NOTCH4: variants seen among roughly 807,000 people sequenced by gnomAD.
NOTCH4 encodes notch receptor 4.
NOTCH4 carries 138 observed loss-of-function variants against 189.0 expected under a neutral mutation model. The observed-to-expected ratio is 0.73, with a 90% CI of 0.64 to 0.84. The LOEUF (loss-of-function observed/expected upper bound fraction) is 0.84. Among genes scored for constraint, NOTCH4 ranks in the 40% least tolerant of loss-of-function variants. NOTCH4 has a pLI of 0.00. For missense variants in NOTCH4, 2,286 were observed against 2,605.4 expected, an observed-to-expected ratio of 0.88 and a Z score of 2.67; for synonymous variants, 942 against 1,032.8, an observed-to-expected ratio of 0.91 and a Z score of 1.69.
Position 32,219,585 on chromosome 6 carries a change from C to G in NOTCH4, c.1510+7G>C. 1 of 1,611,736 alleles carries G rather than the reference C, an allele frequency of 6.2e-7. No individual in the cohort carries two copies. The highest frequency in any genetic ancestry group is 8.5e-7 in the Non-Finnish European group (1 of 1,179,356). ...TTTCCCCACCCAAGGCCCCATCCAG[C>G]TGATACCTGGCGGGCAGAGGCAGTG... On this transcript the variant is annotated splice_region_variant and intron_variant, in intron 8 of 29. Coordinates refer to ENST00000375023, the MANE Select transcript of NOTCH4 (RefSeq NM_004557.4).
rs2127487985 is a variant in NOTCH4 at position 32,220,645 on chromosome 6, C to A, written c.923-4G>T. ...ACATCTTCGGAGCAGTCCCAGCCTG[C>A]AGGGGGTTGGGGAGGGGACGAGGGC... On this transcript the variant is annotated splice_region_variant and splice_polypyrimidine_tract_variant and intron_variant, in intron 5 of 29. Transcript: ENST00000375023. 6.2e-7 allele frequency: 1 copy of A among 1,613,434 alleles called. No individual in the cohort carries two copies. The highest frequency in any genetic ancestry group is 8.5e-7 in the Non-Finnish European group (1 of 1,179,494).
rs1449266204 is a variant in NOTCH4 at position 32,218,025 on chromosome 6, G to A, written c.1594C>T (p.Leu532Phe). The change falls in exon 9 of 30, where the codon CTC (leucine) becomes TTC (phenylalanine). Residue 532 changes from leucine to phenylalanine, a missense_variant. Physicochemically the swap from Leu to Phe is conservative, Grantham distance 22. Transcript: ENST00000375023. ...AGGCAGATGCACTGGAAGCCGTTGA[G>A]CAGGTCATGGCAATCCGCGTGGTTC... ...CLNHADCHDL[L>F]NGFQCICLPG... 1.9e-6 allele frequency: 3 copies of A among 1,613,656 alleles called. No individual in the cohort carries two copies. In the African/African-American group the frequency reaches 4.0e-5, roughly 22 times the overall value.
chr6:32,213,812 A>AGCT lies in NOTCH4; in HGVS notation c.2193_2195dup (p.Ala732dup). 3.1e-6 allele frequency: 5 copies of AGCT among 1,611,854 alleles called. No individual in the cohort carries two copies. Among genetic ancestry groups the AGCT allele is most frequent in the Non-Finnish European group, 4.2e-6 (5 of 1,179,820 alleles). ...CATTGAGACATGGCCCTGAGTGACA[A>AGCT]GCTGTCATCTCCTCACTACAGGTGG... is the stretch of plus-strand genomic sequence containing the variant. On this transcript the variant is annotated inframe_insertion, in exon 14 of 30. Transcript: ENST00000375023.
intron 19 of NOTCH4, 69 bp downstream of exon 19, chr6:32,204,068 T>A: frequency 1.3e-6 from 2 of 1,582,094 alleles, no homozygotes; most frequent in Non-Finnish European, 1.7e-6. Context: ...GGGTGGAGAC[T>A]ATCTGGCTCT....
chr6:32,210,898 A>C lies in NOTCH4; in HGVS notation c.2719T>G (p.Cys907Gly), dbSNP rs575646160. The change falls in exon 18 of 30, where the codon TGT becomes GGT. Residue 907 changes from cysteine to glycine, a missense_variant. Coordinates refer to ENST00000375023, the MANE Select transcript of NOTCH4 (RefSeq NM_004557.4). This position sits in a 1 kb window ranked among gnomAD's most constrained non-coding sequence, Gnocchi z 4.8. ...VSSLCHNGGL[C>G]VDSGPSYFCH... ...AAATAGGAGGGGCCGCTGTCGACAC[A>C]GAGGCCTCCATTGTGGCAAAGGGAA... is the stretch of plus-strand genomic sequence containing the variant. 1 of 1,609,802 alleles carries C rather than the reference A, an allele frequency of 6.2e-7. No individual in the cohort carries two copies. Among genetic ancestry groups the C allele is most frequent in the East Asian group, 2.2e-5 (1 of 44,818 alleles).
rs1471032428 is a variant in NOTCH4 at position 32,222,767 on chromosome 6, A to T, written c.195T>A (p.Pro65=). The T allele has an allele frequency of 6.2e-7, 1 of 1,611,782 alleles. No individual in the cohort carries two copies. The highest frequency in any genetic ancestry group is 8.5e-7 in the Non-Finnish European group (1 of 1,179,212). Residue 65 remains proline, a synonymous_variant, in exon 3 of 30, where the codon CCT becomes CCA. Transcript: ENST00000375023. ...PGFLGETCQF[P]DPCQNAQLCQ... Reference sequence around the variant, plus strand: ...AGAGCTGGGCGTTCTGGCAGGGGTCAGGAAACTGGCACGTCTCACCCAGGA... The same window carrying T: ...AGAGCTGGGCGTTCTGGCAGGGGTCTGGAAACTGGCACGTCTCACCCAGGA...
At position 32,210,743 on chromosome 6, in the gene NOTCH4, C is replaced by A. The variant is rs8192567; in HGVS notation, c.2865+9G>T. 5.2e-3 allele frequency: 8,349 copies of A among 1,611,868 alleles called. 95 individuals carry two copies. Among genetic ancestry groups the A allele is most frequent in the Admixed American group, 0.019 (1,130 of 60,018 alleles). On this transcript the variant is annotated intron_variant, in intron 18 of 29. Coordinates refer to ENST00000375023, the MANE Select transcript of NOTCH4 (RefSeq NM_004557.4). This position sits in a 1 kb window ranked among gnomAD's most constrained non-coding sequence, Gnocchi z 4.8. ...TCTTTCCTCCCCCTTCTCCTGCAGA[C>A]CCTCTCACCTGGCAGAGATACCCAC...
intron 27 of NOTCH4, 60 bp from the exon 28 acceptor site, chr6:32,197,132 T>TA: frequency 1.9e-6 from 3 of 1,589,782 alleles, no homozygotes; most frequent in Non-Finnish European, 2.6e-6. Flanking sequence ...TCGAGTTCCT[T>TA]ACACTATTAA....
chr6:32,213,777 C>T lies in NOTCH4; in HGVS notation c.2231G>A (p.Cys744Tyr), dbSNP rs1453089873. 1 of 1,612,096 alleles carries T rather than the reference C, an allele frequency of 6.2e-7. No individual in the cohort carries two copies. The highest frequency in any genetic ancestry group is 8.5e-7 in the Non-Finnish European group (1 of 1,179,950). Residue 744 changes from cysteine to tyrosine, a missense_variant, in exon 14 of 30, where the codon TGC becomes TAC. Cys to Tyr is a radical substitution (Grantham distance 194). Around this residue, in one of 2 missense-constraint regions of NOTCH4, gnomAD observed 1,903 missense variants for 2,261.9 expected, o/e 0.84. Transcript: ENST00000375023. ...HSGPCLNGGS[C>Y]NPSPGGYYCT... The stretch of plus-strand genomic sequence containing the variant: ...GTAGTAGCCTCCAGGGCTAGGGTTG[C>T]AGGAGCCGCCATTGAGACATGGCCC...
In NOTCH4 at chr6:32,196,022, T is replaced by A. The variant is rs8192579; in HGVS notation, c.5427A>T (p.Gln1809His). 2.1e-5 allele frequency: 33 copies of A among 1,598,356 alleles called. No individual in the cohort carries two copies. In the Admixed American group the frequency reaches 5.4e-4, roughly 26 times the overall value. The change falls in exon 30 of 30, where the codon CAA becomes CAT. Residue 1809 changes from glutamine to histidine, a missense_variant. By Grantham distance (24) the Gln-to-His change is conservative. Around this residue, in one of 2 missense-constraint regions of NOTCH4, gnomAD observed 383 missense variants for 343.5 expected, o/e 1.11. Transcript: ENST00000375023. ...GCGTCAGCAGATCCCAGTGGTTACG[T>A]TGGTGAGCGACGTCCGCCGGCGCTA... ...AGLAPADVAH[Q>H]RNHWDLLTLL...
rs762645144 is a variant in NOTCH4 at position 32,202,063 on chromosome 6, A to G, written c.3755+13T>C. 1.1e-5 allele frequency: 15 copies of G among 1,417,484 alleles called. No individual in the cohort carries two copies. Among genetic ancestry groups the G allele is most frequent in the Non-Finnish European group, 1.3e-5 (14 of 1,075,964 alleles). 87.8% of individuals were successfully genotyped at this position (1,417,484 alleles called of 1,614,324 possible). A position where few individuals can be genotyped will look rare whatever the true frequency, so the allele number is the denominator to read the frequency against. On this transcript the variant is annotated intron_variant, in intron 21 of 29. Coordinates refer to ENST00000375023, the MANE Select transcript of NOTCH4 (RefSeq NM_004557.4). This position sits in a 1 kb window ranked among gnomAD's most constrained non-coding sequence, Gnocchi z 5.7. ...CCCTCTCCTTCCCTGGCTCCAGTGG[A>G]TTTCAGGCTCACGTGCAGGCTGGAG...
At chr6:32,204,035 G>A (rs1403587928) in intron 19 of NOTCH4, 102 bp downstream of exon 19, 11 of 1,511,800 alleles carry the variant, frequency 7.3e-6, no homozygotes, top group Non-Finnish European at 8.1e-6. Context: ...GGCAGGGGAT[G>A]GACCAGGTGA....
rs758224791 is a variant in NOTCH4, at chr6:32,195,190, CT to C, written c.*246del. On this transcript the variant is annotated 3_prime_UTR_variant, in exon 30 of 30. Transcript: ENST00000375023. The surrounding 1 kb of genome is among the most constrained non-coding windows in gnomAD (Gnocchi z 5.4). ...GGTATTTCCACTCCACTCTGCCCTC[CT>C]GTGGCCTGTCTTATTTTCTGGAGGA... 35 of 532,638 alleles carry C rather than the reference CT, an allele frequency of 6.6e-5. No individual in the cohort carries two copies. In the Middle Eastern group the frequency reaches 3.4e-3, roughly 52 times the overall value. The allele number at this position is 532,638 out of a possible 1,614,324, so 33.0% of individuals were successfully genotyped here.
At chr6:32,196,243 C>T (rs1445674869) in intron 29 of NOTCH4, 81 bp downstream of exon 29, 1 of 1,612,192 alleles carries the variant, frequency 6.2e-7, no homozygotes, top group Non-Finnish European at 8.5e-7. Context: ...GGCCCCTATC[C>T]CTTCAGGCTT....
chr6:32,205,712 C>G (rs1203324005), intron 18 of NOTCH4, among the ~76,000 whole-genome samples: 1 of 151,572 alleles, frequency 6.6e-6, no homozygotes, highest in Non-Finnish European at 1.5e-5. Context: ...GTTAGGGTAT[C>G]TGTCTTGAGC....
chr6:32,196,949 C>T lies in NOTCH4; in HGVS notation c.5176G>A (p.Asp1726Asn). 1 of 1,613,046 alleles carries T rather than the reference C, an allele frequency of 6.2e-7. No homozygotes were observed. Among genetic ancestry groups the T allele is most frequent in the Non-Finnish European group, 8.5e-7 (1 of 1,180,034 alleles). Residue 1726 changes from aspartate to asparagine, a missense_variant, in exon 28 of 30, where the codon GAC becomes AAC. By Grantham distance (23) the Asp-to-Asn change is conservative. This residue lies in a region of NOTCH4 where 1,903 missense variants were observed against 2,261.9 expected (regional missense o/e 0.84). Coordinates refer to ENST00000375023, the MANE Select transcript of NOTCH4 (RefSeq NM_004557.4). ...CCCCATTTATCTCTGGCCCCCACGT[C>T]TGCTTGGGCTGCAATCAGTTCTTCA... Reference protein sequence around the residue: ...LVEELIAAQADVGARDKWGKT... With the variant: ...LVEELIAAQANVGARDKWGKT...
intron 18 of NOTCH4, among the ~76,000 whole-genome samples, chr6:32,208,695 C>G (rs1788842328): frequency 1.3e-5 from 2 of 152,164 alleles, no homozygotes; most frequent in Non-Finnish European, 2.9e-5. Flanking sequence ...GATCAAGTCA[C>G]TGTGATCCAG....
At position 32,214,199 on chromosome 6, in the gene NOTCH4, C is replaced by T; in HGVS notation, c.2078G>A (p.Gly693Glu). 2 of 1,613,610 alleles carry T rather than the reference C, an allele frequency of 1.2e-6. No homozygotes were observed. Among genetic ancestry groups the T allele is most frequent in the East Asian group, 2.2e-5 (1 of 44,860 alleles). The change falls in exon 13 of 30, where the codon GGG (glycine) becomes GAG (glutamate). Residue 693 changes from glycine to glutamate, a missense_variant. Around this residue, in one of 2 missense-constraint regions of NOTCH4, gnomAD observed 1,903 missense variants for 2,261.9 expected, o/e 0.84. Coordinates refer to ENST00000375023, the MANE Select transcript of NOTCH4 (RefSeq NM_004557.4). ...WTGPECEAEL[G>E]GCISAPCAHG... Reference sequence around the variant, plus strand: ...GGCACAGGGTGCAGAGATGCAGCCCCCTAGCTCTGCCTCACACTCTGGCCC... The same window carrying T: ...GGCACAGGGTGCAGAGATGCAGCCCTCTAGCTCTGCCTCACACTCTGGCCC...
intron 29 of NOTCH4, 24 bp from the exon 30 acceptor site, chr6:32,196,174 T>A: frequency 6.3e-7 from 1 of 1,590,188 alleles, no homozygotes; most frequent in East Asian, 2.2e-5. Context: ...CCAGGGCCGA[T>A]ATCAGGGAAG....
Sources: gnomAD v4.1 joint callset for allele counts (sites outside exome capture counted in the v4.1 genomes callset) on GRCh38, gnomAD v4.1.1 for gene constraint, gnomAD v4.1.1 regional missense constraint, Gnocchi (gnomAD v3.1) non-coding constraint, MANE v1.5 for transcripts, NCBI Gene and HGNC (gene_info 2026-07-23, HGNC 2026-07-21) for gene names.